ATP8A2: variants seen among roughly 807,000 people sequenced by gnomAD.
The protein encoded by ATP8A2 is ATPase phospholipid transporting 8A2.
ATP8A2 carries 100 observed loss-of-function variants against 165.6 expected under a neutral mutation model. The observed-to-expected ratio is 0.60, with a 90% CI of 0.51 to 0.71. ATP8A2 has a LOEUF of 0.71. ATP8A2 is among the 30% of genes least tolerant of loss of function. The probability of loss-of-function intolerance (pLI) is 0.00; values close to 1 mark genes in which losing one functional copy is unlikely to be tolerated. For missense variants in ATP8A2, 1,227 were observed against 1,479.5 expected, an observed-to-expected ratio of 0.83 and a Z score of 2.80; for synonymous variants, 543 against 548.8, an observed-to-expected ratio of 0.99 and a Z score of 0.15.
At chr13:25,609,383 A>G (rs1217539935) in intron 24 of ATP8A2, among the ~76,000 whole-genome samples, 1 of 151,790 alleles carries the variant, frequency 6.6e-6, no homozygotes, top group Non-Finnish European at 1.5e-5. Context: ...TTGAATAAAT[A>G]GAAAATGTGA....
chr13:25,493,132 T>A (rs2036575927), intron 2 of ATP8A2, among the ~76,000 whole-genome samples: 1 of 152,224 alleles, frequency 6.6e-6, no homozygotes, highest in African/African-American at 2.4e-5. Flanking sequence ...GAATTTTGTT[T>A]TACATGTTTT....
intron 28 of ATP8A2, among the ~76,000 whole-genome samples, chr13:25,834,983 C>CGTGTGT (rs61614959): frequency 6.3e-4 from 94 of 149,642 alleles, no homozygotes; most frequent in South Asian, 4.7e-3. Context: ...TGATCCCTAA[C>CGTGTGT]GTGTGTGTGT....
chr13:25,420,844 G>A (rs1349546855), intron 1 of ATP8A2, among the ~76,000 whole-genome samples: 1 of 152,216 alleles, frequency 6.6e-6, no homozygotes, highest in Non-Finnish European at 1.5e-5. Flanking sequence ...TGAGTACTCT[G>A]TTCTGTTCTT....
chr13:25,743,269 G>A (rs1453439309), intron 25 of ATP8A2, among the ~76,000 whole-genome samples: 1 of 151,956 alleles, frequency 6.6e-6, no homozygotes, highest in Non-Finnish European at 1.5e-5. Flanking sequence ...AACCACCAGA[G>A]GCCGAAAGAT....
intron 33 of ATP8A2, among the ~76,000 whole-genome samples, chr13:25,943,854 G>A (rs941411519): frequency 7.2e-5 from 11 of 152,218 alleles, no homozygotes; most frequent in African/African-American, 2.4e-4. Context: ...GCACCAAGAT[G>A]TAGCAGCTTT....
chr13:25,603,954 G>A (rs1335868994), intron 24 of ATP8A2, among the ~76,000 whole-genome samples: 1 of 152,056 alleles, frequency 6.6e-6, no homozygotes, highest in Admixed American at 6.6e-5. Flanking sequence ...AATAGTCTGT[G>A]TAGTGTTTTC....
In ATP8A2 at chr13:25,421,726, A is replaced by G. The variant is rs543405464; in HGVS notation, c.77-47251A>G. ...TTTACTTGTACAGGACTGGAAGTAG[A>G]CACTAGAGAAAAGAAAACAAACATG... On this transcript the variant is annotated intron_variant, in intron 1 of 36. Transcript: ENST00000381655. Among the ~76,000 whole-genome samples the G allele has an allele frequency of 2.6e-4, 40 of 152,366 alleles. 4 individuals carry two copies. In the South Asian group the frequency reaches 6.0e-3, roughly 23 times the overall value.
intron 19 of ATP8A2, among the ~76,000 whole-genome samples, chr13:25,575,579 T>C (rs1448050101): frequency 3.3e-5 from 5 of 152,260 alleles, no homozygotes; most frequent in Non-Finnish European, 7.3e-5. Flanking sequence ...AACAGTGTTA[T>C]AAAGCTCTGT....
rs544371119 is a variant in ATP8A2, at chr13:25,607,241, T to C, written c.2211+17542T>C. 4.6e-5 allele frequency among the ~76,000 whole-genome samples: 7 copies of C among 152,300 alleles called. No individual in the cohort carries two copies. The South Asian group carries it at 1.5e-3, about 32-fold the overall frequency. On this transcript the variant is annotated intron_variant, in intron 24 of 36. Transcript: ENST00000381655. ...AAACGGGTCCCTGGTGCCAAAACAG[T>C]TGGGGACTGCTGCCCTAGGACAAGG...
At position 25,564,980 on chromosome 13, in the gene ATP8A2, G is replaced by A. The variant is rs144391945; in HGVS notation, c.1473+949G>A. Reference sequence around the variant, plus strand: ...ATGATGTTTGGTTTTCCATTCCTGAGTTACTTCACTTAGAATAATAGTCTC... The same window carrying A: ...ATGATGTTTGGTTTTCCATTCCTGAATTACTTCACTTAGAATAATAGTCTC... On this transcript the variant is annotated intron_variant, in intron 16 of 36. Transcript: ENST00000381655. Among the ~76,000 whole-genome samples, 1,394 of 152,162 alleles carry A rather than the reference G, an allele frequency of 9.2e-3. 24 individuals carry two copies. Among genetic ancestry groups the A allele is most frequent in the African/African-American group, 0.032 (1,333 of 41,498 alleles).
intron 24 of ATP8A2, among the ~76,000 whole-genome samples, chr13:25,630,940 G>T (rs2041226384): frequency 6.6e-6 from 1 of 152,132 alleles, no homozygotes; most frequent in Non-Finnish European, 1.5e-5. Context: ...ATTAAGTCTG[G>T]TTCAAAGGCC....
At chr13:25,675,823 C>T (rs1291292332) in intron 24 of ATP8A2, among the ~76,000 whole-genome samples, 1 of 151,760 alleles carries the variant, frequency 6.6e-6, no homozygotes, top group Non-Finnish European at 1.5e-5. Flanking sequence ...ACAGAGAGGG[C>T]TTTGCATGTG....
At chr13:25,620,268 G>C (rs1183567727) in intron 24 of ATP8A2, among the ~76,000 whole-genome samples, 2 of 152,110 alleles carry the variant, frequency 1.3e-5, no homozygotes, top group Non-Finnish European at 2.9e-5. Flanking sequence ...CAGAGAGAGA[G>C]GTGACCTCTC....
Position 25,372,150 on chromosome 13 carries a change from GC to G in ATP8A2, c.-60del. On this transcript the variant is annotated 5_prime_UTR_variant, in exon 1 of 37. An upstream open reading frame in the 5' UTR gains an earlier in-frame stop. Coordinates refer to ENST00000381655, the MANE Select transcript of ATP8A2 (RefSeq NM_016529.6). The surrounding 1 kb of genome is among the most constrained non-coding windows in gnomAD (Gnocchi z 4.8). ...ATGGTCCTCGGGCGGCGGCCCCTGCGCCCAGCCCTGCGCGTAGCCTCCGTCT... is the reference window on the plus strand; with the variant it reads ...ATGGTCCTCGGGCGGCGGCCCCTGCGCCAGCCCTGCGCGTAGCCTCCGTCT... 8.2e-7 allele frequency: 1 copy of G among 1,217,626 alleles called. No individual in the cohort carries two copies. The allele number at this position is 1,217,626 out of a possible 1,614,324, so 75.4% of individuals were successfully genotyped here.
chr13:25,702,895 CTTTCTGGCTGCCTGTG>C (rs1299211872), intron 25 of ATP8A2, among the ~76,000 whole-genome samples: 2 of 152,140 alleles, frequency 1.3e-5, no homozygotes, highest in Admixed American at 1.3e-4. Flanking sequence ...CCTTTATGGG[CTTTCTGGCTGCCTGTG>C]AAGTGTTGTT....
At chr13:25,753,109 C>G (rs866320426) in intron 25 of ATP8A2, among the ~76,000 whole-genome samples, 1 of 152,174 alleles carries the variant, frequency 6.6e-6, no homozygotes, top group African/African-American at 2.4e-5. Context: ...AGAGAAGGGA[C>G]AGACAGGGCA....
chr13:25,684,338 G>T (rs1193710083), intron 24 of ATP8A2, among the ~76,000 whole-genome samples: 6 of 152,318 alleles, frequency 3.9e-5, no homozygotes, highest in Admixed American at 2.0e-4. Flanking sequence ...GCCTTGGAAA[G>T]CCCTGAATAG....
At chr13:25,391,477 A>T (rs573777318) in intron 1 of ATP8A2, among the ~76,000 whole-genome samples, 1 of 152,366 alleles carries the variant, frequency 6.6e-6, no homozygotes, top group East Asian at 1.9e-4. Flanking sequence ...GTTAAAAATC[A>T]TAATCCCTTT....
At chr13:25,661,425 T>C (rs1187601517) in intron 24 of ATP8A2, among the ~76,000 whole-genome samples, 1 of 152,226 alleles carries the variant, frequency 6.6e-6, no homozygotes, top group Non-Finnish European at 1.5e-5. Context: ...TTCATTGTGG[T>C]AGAGCCACAC....
Sources: gnomAD v4.1 joint callset for allele counts (sites outside exome capture counted in the v4.1 genomes callset) on GRCh38, gnomAD v4.1.1 for gene constraint, Gnocchi (gnomAD v3.1) non-coding constraint, MANE v1.5 for transcripts, NCBI Gene and HGNC (gene_info 2026-07-23, HGNC 2026-07-21) for gene names.